SLMAP: variants seen among roughly 807,000 people sequenced by gnomAD.
SLMAP encodes the protein sarcolemma associated protein.
In SLMAP, 44 loss-of-function variants were observed where a neutral mutation model predicts 128.8. The ratio of observed to expected loss-of-function variants is 0.34; its 90% CI spans 0.27 to 0.44. The LOEUF is 0.44. SLMAP is among the 20% of genes least tolerant of loss of function. The probability of loss-of-function intolerance (pLI) is 1.00; values close to 1 mark genes in which losing one functional copy is unlikely to be tolerated. For synonymous variants in SLMAP, 327 were observed against 348.8 expected (o/e 0.94, Z 0.70); for missense variants, 787 against 985.3 (o/e 0.80, Z 2.69).
chr3:57,771,950 C>T (rs903603040), intron 2 of SLMAP, among the ~76,000 whole-genome samples: 10 of 152,144 alleles, frequency 6.6e-5, no homozygotes, highest in African/African-American at 1.9e-4. Context: ...GGGTAAATTA[C>T]AAGAATCTAG....
rs367603227 is a variant in SLMAP, at chr3:57,820,523, C to G, written c.199-10860C>G. Among the ~76,000 whole-genome samples, 8 of 152,328 alleles carry G rather than the reference C, an allele frequency of 5.3e-5. 1 individual carries two copies. The East Asian group carries it at 1.5e-3, about 29-fold the overall frequency. On this transcript the variant is annotated intron_variant, in intron 2 of 24. Coordinates refer to ENST00000671191, the MANE Select transcript of SLMAP (RefSeq NM_001377540.1). ...GCTGTAGGCTTTCAGCCCCCGCCCC[C>G]ACTACCACCCCATCTCTCAGAACTG...
chr3:57,803,828 ACT>A (rs2089182901), intron 2 of SLMAP, among the ~76,000 whole-genome samples: 1 of 152,140 alleles, frequency 6.6e-6, no homozygotes, highest in South Asian at 2.1e-4. Flanking sequence ...TAATCCAATG[ACT>A]CACACCTTGG....
chr3:57,880,866 C>T (rs905323789), intron 14 of SLMAP, among the ~76,000 whole-genome samples: 5 of 152,024 alleles, frequency 3.3e-5, no homozygotes, highest in Non-Finnish European at 5.9e-5. Context: ...GTCTGGGTGA[C>T]GGAGTGAGAC....
chr3:57,909,241 G>A, intron 19 of SLMAP, 91 bp downstream of exon 19: 25 of 882,912 alleles, frequency 2.8e-5, no homozygotes, highest in Non-Finnish European at 3.9e-5. Context: ...AGTGGCTCAT[G>A]CCTGCAATCC....
intron 13 of SLMAP, among the ~76,000 whole-genome samples, chr3:57,869,688 G>T (rs2095436822): frequency 8.8e-6 from 1 of 113,000 alleles, no homozygotes; most frequent in Admixed American, 1.0e-4. Flanking sequence ...AAATTCTAAT[G>T]ATCTATTTTG....
intron 10 of SLMAP, among the ~76,000 whole-genome samples, chr3:57,862,324 AAAACAAAC>A (rs528353708): frequency 1.3e-5 from 2 of 151,742 alleles, no homozygotes; most frequent in Non-Finnish European, 1.5e-5. Context: ...TCTCAAAGGA[AAAACAAAC>A]AAACAAACAA....
At chr3:57,844,182 C>T (rs751765956) in intron 4 of SLMAP, among the ~76,000 whole-genome samples, 19 of 151,982 alleles carry the variant, frequency 1.3e-4, no homozygotes, top group Non-Finnish European at 2.2e-4. Context: ...TGCCTGAGCT[C>T]AGGAGTTTGA....
chr3:57,832,527 A>G (rs1284611075), intron 3 of SLMAP, among the ~76,000 whole-genome samples: 1 of 152,192 alleles, frequency 6.6e-6, no homozygotes, highest in Admixed American at 6.5e-5. Context: ...AACTAAATGG[A>G]TAAAAACCAT....
intron 2 of SLMAP, among the ~76,000 whole-genome samples, chr3:57,792,823 T>C (rs2085801215): frequency 2.0e-5 from 3 of 152,182 alleles, no homozygotes; most frequent in Admixed American, 6.5e-5. Flanking sequence ...GGCTACATTA[T>C]GTTTCCCAGG....
chr3:57,782,756 A>G (rs992684631), intron 2 of SLMAP, among the ~76,000 whole-genome samples: 3 of 152,238 alleles, frequency 2.0e-5, no homozygotes, highest in Non-Finnish European at 2.9e-5. Flanking sequence ...TATAGGCATG[A>G]GCCACTATGC....
At chr3:57,845,868 G>A (rs564838720) in intron 4 of SLMAP, among the ~76,000 whole-genome samples, 6 of 151,326 alleles carry the variant, frequency 4.0e-5, no homozygotes, top group African/African-American at 1.5e-4. Flanking sequence ...TGGAGATGGA[G>A]TCTTGCTCTA....
intron 2 of SLMAP, among the ~76,000 whole-genome samples, chr3:57,771,341 C>T (rs944805126): frequency 7.9e-5 from 12 of 152,168 alleles, no homozygotes; most frequent in Non-Finnish European, 1.5e-4. Flanking sequence ...AGCAATCCCC[C>T]GTCCTCAGCC....
At chr3:57,820,999 T>C (rs763450176) in intron 2 of SLMAP, among the ~76,000 whole-genome samples, 6 of 152,344 alleles carry the variant, frequency 3.9e-5, no homozygotes, top group Non-Finnish European at 5.9e-5. Flanking sequence ...TCAACATAGG[T>C]GTCTGAGATT....
At chr3:57,906,481 AATTTTTAGT>A (rs2096567867) in intron 17 of SLMAP, among the ~76,000 whole-genome samples, 1 of 147,612 alleles carries the variant, frequency 6.8e-6, no homozygotes, top group Middle Eastern at 3.2e-3. Context: ...ACGCCCAGCT[AATTTTTAGT>A]ATTTTTAGTA....
chr3:57,917,434 C>T (rs530453911), intron 22 of SLMAP: 2 of 294,720 alleles, frequency 6.8e-6, no homozygotes, highest in South Asian at 3.7e-5. Flanking sequence ...TGAGGCCATA[C>T]TCTAATGCTG....
intron 2 of SLMAP, among the ~76,000 whole-genome samples, chr3:57,766,492 G>C (rs2079750123): frequency 6.6e-6 from 1 of 152,106 alleles, no homozygotes; most frequent in South Asian, 2.1e-4. Context: ...GCATTTATTA[G>C]CGGCTGAAAC....
chr3:57,840,201 A>C (rs1344291184), intron 3 of SLMAP, among the ~76,000 whole-genome samples: 3 of 151,660 alleles, frequency 2.0e-5, no homozygotes, highest in Admixed American at 2.0e-4. Flanking sequence ...TGATCCATCC[A>C]CTTTGGCCTC....
intron 17 of SLMAP, among the ~76,000 whole-genome samples, chr3:57,905,304 C>T (rs1377937132): frequency 6.6e-6 from 1 of 151,858 alleles, no homozygotes; most frequent in African/African-American, 2.4e-5. Flanking sequence ...TTTTTTGATA[C>T]AGAGTCTCAC....
At position 57,869,655 on chromosome 3, in the gene SLMAP, T is replaced by TATATATATATATATATATATA. The variant is rs2095431948; in HGVS notation, c.1238-1976_1238-1975insTATATATATATATATAATATA. Among the ~76,000 whole-genome samples, 4 of 135,744 alleles carry TATATATATATATATATATATA rather than the reference T, an allele frequency of 2.9e-5. No individual in the cohort carries two copies. The Admixed American group carries it at 3.0e-4, about 10-fold the overall frequency. 89.1% of individuals were successfully genotyped at this position (135,744 alleles called of 152,430 possible). A position where few individuals can be genotyped will look rare whatever the true frequency, so the allele number is the denominator to read the frequency against. On this transcript the variant is annotated intron_variant, in intron 13 of 24. Transcript: ENST00000671191. Reference sequence around the variant, plus strand: ...TTATATATATATATATATATATATATATATAATATATATAAACAAAACAAA... The same window carrying TATATATATATATATATATATA: ...TTATATATATATATATATATATATATATATATATATATATATATATAATATAATATATATAAACAAAACAAA...
Sources: gnomAD v4.1 joint callset for allele counts (sites outside exome capture counted in the v4.1 genomes callset) on GRCh38, gnomAD v4.1.1 for gene constraint, MANE v1.5 for transcripts, NCBI Gene and HGNC (gene_info 2026-07-23, HGNC 2026-07-21) for gene names.